USP53: variants seen among roughly 807,000 people sequenced by gnomAD.
USP53 encodes the protein ubiquitin carboxyl-terminal hydrolase 53.
Under a neutral mutation model 94.9 loss-of-function variants are expected in USP53, and 71 were observed. That is an observed-to-expected ratio of 0.75 (90% CI 0.62 to 0.91). The LOEUF is 0.91. USP53 is among the 40% of genes least tolerant of loss of function. The probability of loss-of-function intolerance (pLI) is 0.00; values close to 1 mark genes in which losing one functional copy is unlikely to be tolerated. For missense variants in USP53, 1,173 were observed against 1,281.0 expected (o/e 0.92, Z 1.29); for synonymous variants, 375 against 422.7 (o/e 0.89, Z 1.39).
chr4:119,292,832 T>G lies in USP53; in HGVS notation c.2843T>G (p.Leu948Arg), dbSNP rs771734814. Residue 948 changes from leucine to arginine, a missense_variant, in exon 19 of 19, where the codon CTT becomes CGT. By Grantham distance (102) the Leu-to-Arg change is moderately radical. Transcript: ENST00000692078. Reference sequence around the variant, plus strand: ...AGCGAATCTACACCTGATGTCAAACTTACAGAGGTGTTTAAAGCTACCTCT... The same window carrying G: ...AGCGAATCTACACCTGATGTCAAACGTACAGAGGTGTTTAAAGCTACCTCT... ...EKSESTPDVK[L>R]TEVFKATSHL... The G allele has an allele frequency of 4.2e-5, 68 of 1,613,970 alleles. No homozygotes were observed. The highest frequency in any genetic ancestry group is 5.9e-6 in the Non-Finnish European group (7 of 1,179,978).
At chr4:119,213,590 AATTAC>A (rs1393240955) in intron 1 of USP53, among the ~76,000 whole-genome samples, 1 of 142,454 alleles carries the variant, frequency 7.0e-6, no homozygotes, top group Admixed American at 7.3e-5. Flanking sequence ...GTATGCAGGG[AATTAC>A]CAGTTGGACA....
chr4:119,292,894 C>T lies in USP53; in HGVS notation c.2905C>T (p.Pro969Ser), dbSNP rs76939512. The change falls in exon 19 of 19, where the codon CCA (proline) becomes TCA (serine). Residue 969 changes from proline to serine, a missense_variant. Physicochemically the swap from Pro to Ser is moderately conservative, Grantham distance 74 (BLOSUM62 -1). Transcript: ENST00000692078. The part of the protein sequence containing the change: ...PKHSLSTASE[P>S]SLEVSTHMND... ...GCACAGTTTAAGTACAGCTTCAGAA[C>T]CAAGTTTAGAAGTGAGTACACATAT... The T allele has an allele frequency of 1.9e-6, 3 of 1,613,976 alleles. No homozygotes were observed. The Admixed American group carries it at 5.0e-5, about 27-fold the overall frequency.
intron 17 of USP53, among the ~76,000 whole-genome samples, chr4:119,280,433 C>G (rs1180362711): frequency 6.6e-6 from 1 of 152,080 alleles, no homozygotes; most frequent in Non-Finnish European, 1.5e-5. Flanking sequence ...ATTCTGATAG[C>G]TTAGAAACTG....
Position 119,214,132 on chromosome 4 carries a change from A to C in USP53, c.-879A>C, listed in dbSNP as rs951150132. ...GTTAAAGATAAATTAAAAAAAAAAA[A>C]AAAAAACCAAAGGGAACAAAACTTA... is the stretch of plus-strand genomic sequence containing the variant. On this transcript the variant is annotated 5_prime_UTR_variant, in exon 2 of 19. Transcript: ENST00000692078. The C allele has an allele frequency of 2.6e-5, 4 of 151,780 alleles. No individual in the cohort carries two copies. The highest frequency in any genetic ancestry group is 2.1e-4 in the South Asian group (1 of 4,824). The allele number at this position is 151,780 out of a possible 1,614,324, so 9.4% of individuals were successfully genotyped here.
At position 119,269,685 on chromosome 4, in the gene USP53, T is replaced by C; in HGVS notation, c.1289-6T>C. ...TGTATCATAGTAAGAATGATTTCTT[T>C]TACAGCTAAGTTAAGTCACATTGAT... On this transcript the variant is annotated splice_polypyrimidine_tract_variant and splice_region_variant and intron_variant, in intron 14 of 18. Transcript: ENST00000692078. 7.2e-7 allele frequency: 1 copy of C among 1,391,920 alleles called. No homozygotes were observed. The highest frequency in any genetic ancestry group is 2.1e-5 in the South Asian group (1 of 48,760). The allele number at this position is 1,391,920 out of a possible 1,614,324, so 86.2% of individuals were successfully genotyped here. A position where few individuals can be genotyped will look rare whatever the true frequency, so the allele number is the denominator to read the frequency against.
At chr4:119,288,703 G>C (rs896388790) in intron 17 of USP53, among the ~76,000 whole-genome samples, 3 of 152,070 alleles carry the variant, frequency 2.0e-5, no homozygotes, top group Non-Finnish European at 4.4e-5. Flanking sequence ...TTGGGAGGCC[G>C]ACGCTGGCGG....
intron 17 of USP53, among the ~76,000 whole-genome samples, chr4:119,284,819 T>G (rs1328602838): frequency 6.6e-6 from 1 of 151,942 alleles, no homozygotes; most frequent in Non-Finnish European, 1.5e-5. Flanking sequence ...TTTTTCATAT[T>G]AACTGAGGAC....
Position 119,256,449 on chromosome 4 carries a change from T to C in USP53, c.495T>C (p.Cys165=). 2 of 1,614,108 alleles carry C rather than the reference T, an allele frequency of 1.2e-6. No homozygotes were observed. The highest frequency in any genetic ancestry group is 8.5e-7 in the Non-Finnish European group (1 of 1,179,998). The part of the protein sequence containing the change: ...FAMTLYEQCV[C]RSCGASSDPL... ...TGTTTTTACCTATATAGTGTGTGTGTCGTAGCTGTGGAGCATCGTCAGATC... is the reference window on the plus strand; with the variant it reads ...TGTTTTTACCTATATAGTGTGTGTGCCGTAGCTGTGGAGCATCGTCAGATC... The change falls in exon 9 of 19, where the codon TGT becomes TGC. Residue 165 remains cysteine (C), a synonymous_variant. Coordinates refer to ENST00000692078, the MANE Select transcript of USP53 (RefSeq NM_001371395.1).
rs764082021 is a variant in USP53, at chr4:119,292,601, G to T, written c.2612G>T (p.Gly871Val). ...TGGTCTTCACACCTAAGAACTGTTG[G>T]GTTAAAGCCAGAAACTGCTCCTCTC... Reference protein sequence around the residue: ...SLWSSHLRTVGLKPETAPLIQ... With the variant: ...SLWSSHLRTVVLKPETAPLIQ... Residue 871 changes from glycine (G) to valine (V), a missense_variant, in exon 19 of 19, where the codon GGG becomes GTG. Physicochemically the swap from Gly to Val is moderately radical, Grantham distance 109. Transcript: ENST00000692078. The T allele has an allele frequency of 6.2e-7, 1 of 1,613,972 alleles. No homozygotes were observed. The highest frequency in any genetic ancestry group is 1.3e-5 in the African/African-American group (1 of 74,976).
Position 119,239,803 on chromosome 4 carries a change from G to A in USP53, c.44G>A (p.Gly15Glu), listed in dbSNP as rs764195676. The A allele has an allele frequency of 1.2e-6, 2 of 1,612,058 alleles. No individual in the cohort carries two copies. Among genetic ancestry groups the A allele is most frequent in the Non-Finnish European group, 1.7e-6 (2 of 1,179,280 alleles). The change falls in exon 5 of 19, where the codon GGA becomes GAA. Residue 15 changes from glycine to glutamate, a missense_variant. Transcript: ENST00000692078. ...KFLRKPGGNLGKVYQPGSMLS... is the reference protein window; with the variant it reads ...KFLRKPGGNLEKVYQPGSMLS... Reference sequence around the variant, plus strand: ...TTACGGAAACCTGGTGGCAATCTTGGAAAAGTTTATCAGCCTGGAAGTATG... The same window carrying A: ...TTACGGAAACCTGGTGGCAATCTTGAAAAAGTTTATCAGCCTGGAAGTATG...
chr4:119,275,599 A>G (rs1752519521), intron 17 of USP53, among the ~76,000 whole-genome samples: 1 of 151,342 alleles, frequency 6.6e-6, no homozygotes, highest in Non-Finnish European at 1.5e-5. Context: ...TTGGTTCCAT[A>G]TGAACTTTCA....
At position 119,294,028 on chromosome 4, in the gene USP53, T is replaced by G. The variant is rs1297878216; in HGVS notation, c.*817T>G. 6.6e-6 allele frequency: 1 copy of G among 152,138 alleles called. No homozygotes were observed. Among genetic ancestry groups the G allele is most frequent in the Non-Finnish European group, 1.5e-5 (1 of 67,974 alleles). 9.4% of individuals were successfully genotyped at this position (152,138 alleles called of 1,614,324 possible). ...TACTTTAGCCATGTAAGTTAAAAAGTTAAAATACTTAAACTTTAGTGTATT... is the reference window on the plus strand; with the variant it reads ...TACTTTAGCCATGTAAGTTAAAAAGGTAAAATACTTAAACTTTAGTGTATT... On this transcript the variant is annotated 3_prime_UTR_variant, in exon 19 of 19. Transcript: ENST00000692078.
chr4:119,246,995 A>G lies in USP53; in HGVS notation c.237+1566A>G, dbSNP rs191529292. On this transcript the variant is annotated intron_variant, in intron 6 of 18. Coordinates refer to ENST00000692078, the MANE Select transcript of USP53 (RefSeq NM_001371395.1). ...CCTTAATTTCATTATGTTCCTGAAA[A>G]GGCTGTTTGAGTAAATCACCAAAGG... Among the ~76,000 whole-genome samples, 6 of 152,182 alleles carry G rather than the reference A, an allele frequency of 3.9e-5. No homozygotes were observed. In the East Asian group the frequency reaches 1.2e-3, roughly 29 times the overall value.
At chr4:119,248,989 GT>G in intron 7 of USP53, 107 bp downstream of exon 7, 4 of 1,395,230 alleles carry the variant, frequency 2.9e-6, no homozygotes, top group Non-Finnish European at 3.9e-6. Context: ...ATAGAAAAAT[GT>G]CAAAACTGTC....
At chr4:119,225,623 G>A (rs1745133628) in intron 3 of USP53, among the ~76,000 whole-genome samples, 1 of 152,130 alleles carries the variant, frequency 6.6e-6, no homozygotes, top group South Asian at 2.1e-4. Context: ...GCGGGCGCCT[G>A]TAGTCCCAGC....
intron 17 of USP53, among the ~76,000 whole-genome samples, chr4:119,286,352 T>G (rs1004562053): frequency 5.9e-5 from 9 of 151,856 alleles, no homozygotes; most frequent in Admixed American, 5.9e-4. Context: ...TAAAGTTTCT[T>G]GCCTTGATAC....
Position 119,261,784 on chromosome 4 carries a change from AC to A in USP53, c.894del (p.Ser299AlafsTer24). On this transcript the variant is annotated frameshift_variant, in exon 12 of 19. Transcript: ENST00000692078. LOFTEE classifies it high-confidence loss of function. ...TAACCTTGTTGGTATGATCTGCTAC[AC>A]CAGCCAACATTATTGTGCCTTTGCA... Reference protein sequence around the residue: ...ELNLVGMICYTSQHYCAFAFH... With the variant: ...ELNLVGMICYXSQHYCAFAFH... 6.5e-7 allele frequency: 1 copy of A among 1,540,728 alleles called. No homozygotes were observed. The highest frequency in any genetic ancestry group is 8.9e-7 in the Non-Finnish European group (1 of 1,129,128).
At chr4:119,268,035 C>T (rs538814470) in intron 13 of USP53, among the ~76,000 whole-genome samples, 123 of 152,104 alleles carry the variant, frequency 8.1e-4, no homozygotes, top group African/African-American at 2.9e-3. Context: ...GGCGCGGTGG[C>T]GGGCGCCTGT....
chr4:119,216,918 G>C (rs1045490588), intron 2 of USP53, among the ~76,000 whole-genome samples: 1 of 152,088 alleles, frequency 6.6e-6, no homozygotes, highest in Non-Finnish European at 1.5e-5. Flanking sequence ...ATCATTTTAC[G>C]TGGAAGATAA....
Sources: allele counts gnomAD v4.1 joint callset (sites outside exome capture counted in the v4.1 genomes callset), GRCh38; gene constraint gnomAD v4.1.1; transcripts MANE v1.5; gene names NCBI Gene and HGNC (gene_info 2026-07-23, HGNC 2026-07-21).